The following PTPRT variants were observed in gnomAD, a reference collection of about 807,000 sequenced individuals.
PTPRT encodes protein tyrosine phosphatase receptor type T.
A neutral mutation model predicts 176.8 loss-of-function variants in PTPRT; 56 were observed. That is an observed-to-expected ratio of 0.32 (90% confidence interval 0.26 to 0.40). The LOEUF (loss-of-function observed/expected upper bound fraction) is 0.40, where lower values mean the gene tolerates loss of function less well. Among genes scored for constraint, PTPRT ranks in the 10% least tolerant of loss-of-function variants. PTPRT has a pLI of 1.00. For synonymous variants in PTPRT, 783 were observed against 739.0 expected (o/e 1.06, Z -0.96); for missense variants, 1,540 against 1,908.2 (o/e 0.81, Z 3.60).
At chr20:42,309,101 T>C (rs1346127333) in intron 12 of PTPRT, among the ~76,000 whole-genome samples, 1 of 152,188 alleles carries the variant, frequency 6.6e-6, no homozygotes, top group South Asian at 2.1e-4. Flanking sequence ...TACCCCTACA[T>C]GATGGAAAGG....
intron 2 of PTPRT, among the ~76,000 whole-genome samples, chr20:42,880,676 C>A (rs375728659): frequency 2.0e-5 from 3 of 152,138 alleles, no homozygotes; most frequent in African/African-American, 7.2e-5. Context: ...GTAGTTAGTT[C>A]CATAGGCAGG....
chr20:42,711,525 T>C (rs1448831089), intron 6 of PTPRT, among the ~76,000 whole-genome samples: 3 of 152,174 alleles, frequency 2.0e-5, no homozygotes, highest in African/African-American at 7.2e-5. Context: ...TCCACCATGA[T>C]TGGAAGCCTC....
At chr20:42,316,134 C>G in intron 11 of PTPRT, 138 bp from the exon 12 acceptor site, 2 of 985,346 alleles carry the variant, frequency 2.0e-6, no homozygotes, top group Non-Finnish European at 3.0e-6. Context: ...TCCTGAGCAT[C>G]AGATTTTCAA....
intron 2 of PTPRT, among the ~76,000 whole-genome samples, chr20:42,793,244 T>A (rs1211959582): frequency 6.6e-6 from 1 of 152,180 alleles, no homozygotes; most frequent in Non-Finnish European, 1.5e-5. Context: ...ATATGTTGCA[T>A]AGTGGCAGAG....
At chr20:42,984,205 G>A (rs1983438913) in intron 1 of PTPRT, among the ~76,000 whole-genome samples, 1 of 152,176 alleles carries the variant, frequency 6.6e-6, no homozygotes. Flanking sequence ...TGTATATGCA[G>A]GCTCACAGAC....
intron 16 of PTPRT, among the ~76,000 whole-genome samples, chr20:42,165,035 C>T (rs1430942556): frequency 2.6e-5 from 4 of 152,096 alleles, no homozygotes; most frequent in Admixed American, 2.0e-4. Flanking sequence ...TTACTGCCCG[C>T]GAGGAGCTTG....
intron 7 of PTPRT, among the ~76,000 whole-genome samples, chr20:42,476,453 A>C (rs1358437010): frequency 6.6e-6 from 1 of 152,168 alleles, no homozygotes; most frequent in Non-Finnish European, 1.5e-5. Flanking sequence ...GGGTTCTAGA[A>C]AGGGTTGAGG....
At chr20:43,188,601 G>C (rs939111588) in intron 1 of PTPRT, among the ~76,000 whole-genome samples, 15 of 152,316 alleles carry the variant, frequency 9.8e-5, no homozygotes, top group African/African-American at 3.1e-4. Context: ...TGCGTCCCAC[G>C]GGCTGATCTC....
chr20:42,433,148 G>A (rs541577401), intron 9 of PTPRT, among the ~76,000 whole-genome samples: 1 of 152,134 alleles, frequency 6.6e-6, no homozygotes, highest in Admixed American at 6.6e-5. Context: ...CAGTGTGTGG[G>A]AAGTTTCCCC....
intron 7 of PTPRT, among the ~76,000 whole-genome samples, chr20:42,509,771 C>A (rs2071920833): frequency 6.6e-6 from 1 of 152,034 alleles, no homozygotes; most frequent in Non-Finnish European, 1.5e-5. Context: ...GTTGTACCTG[C>A]TGTTTCAGAC....
At chr20:42,153,045 C>T (rs1989204990) in intron 17 of PTPRT, among the ~76,000 whole-genome samples, 1 of 152,176 alleles carries the variant, frequency 6.6e-6, no homozygotes, top group Non-Finnish European at 1.5e-5. Flanking sequence ...TTCTACTTTT[C>T]TCTAACTCGG....
chr20:42,218,742 G>C (rs2055822750), intron 15 of PTPRT, among the ~76,000 whole-genome samples: 2 of 152,218 alleles, frequency 1.3e-5, no homozygotes, highest in Non-Finnish European at 2.9e-5. Flanking sequence ...GTCTGTCACA[G>C]GGTACTGAGC....
chr20:42,316,102 T>C, intron 11 of PTPRT, 106 bp from the exon 12 acceptor site: 1 of 1,301,992 alleles, frequency 7.7e-7, no homozygotes, highest in Middle Eastern at 2.6e-4. Context: ...AAGCATTGGT[T>C]CGGTCTACAA....
chr20:42,365,704 A>G (rs1242198000), intron 9 of PTPRT, among the ~76,000 whole-genome samples: 1 of 152,194 alleles, frequency 6.6e-6, no homozygotes, highest in East Asian at 1.9e-4. Context: ...ATGTTTTAAG[A>G]AAGTTTATAA....
At chr20:42,723,397 G>T (rs901623144) in intron 6 of PTPRT, among the ~76,000 whole-genome samples, 1 of 152,170 alleles carries the variant, frequency 6.6e-6, no homozygotes, top group Non-Finnish European at 1.5e-5. Context: ...TGCAGTGACT[G>T]CCTCCCAGGG....
chr20:42,282,396 G>C lies in PTPRT; in HGVS notation c.2176+93C>G, dbSNP rs2057154969. The C allele has an allele frequency of 6.2e-6, 8 of 1,286,948 alleles. No individual in the cohort carries two copies. The East Asian group carries it at 1.9e-4, about 30-fold the overall frequency. The allele number at this position is 1,286,948 out of a possible 1,614,324, so 79.7% of individuals were successfully genotyped here. ...AAATAACAATTCTTTCTTGTTTTGAGTTACTGTTGCCTAATCTTTCTCTGT... is the reference window on the plus strand; with the variant it reads ...AAATAACAATTCTTTCTTGTTTTGACTTACTGTTGCCTAATCTTTCTCTGT... On this transcript the variant is annotated intron_variant, in intron 13 of 30. Coordinates refer to ENST00000373187, the MANE Select transcript of PTPRT (RefSeq NM_007050.6).
chr20:42,348,480 G>T (rs147738371), intron 11 of PTPRT, among the ~76,000 whole-genome samples: 130 of 152,054 alleles, frequency 8.5e-4, no homozygotes, highest in Admixed American at 4.8e-3. Flanking sequence ...TAAAATGAGT[G>T]TTGGCTTTAG....
intron 7 of PTPRT, among the ~76,000 whole-genome samples, chr20:42,543,132 G>A (rs954742138): frequency 1.3e-5 from 2 of 152,166 alleles, no homozygotes; most frequent in African/African-American, 2.4e-5. Context: ...AAACAACAGT[G>A]AAGTTTGCAG....
intron 29 of PTPRT, among the ~76,000 whole-genome samples, chr20:42,083,516 G>C (rs368026842): frequency 4.6e-5 from 7 of 152,296 alleles, no homozygotes; most frequent in African/African-American, 1.7e-4. Flanking sequence ...TGCTGCAGGT[G>C]GTGGCCCTGA....
Sources: allele counts gnomAD v4.1 joint callset (sites outside exome capture counted in the v4.1 genomes callset), GRCh38; gene constraint gnomAD v4.1.1; transcripts MANE v1.5; gene names NCBI Gene and HGNC (gene_info 2026-07-23, HGNC 2026-07-21).